The following CNBD1 variants were observed in gnomAD, a reference collection of about 807,000 sequenced individuals.
The protein encoded by CNBD1 is cyclic nucleotide binding domain containing 1.
Under a neutral mutation model 54.4 loss-of-function variants are expected in CNBD1, and 71 were observed. The observed-to-expected ratio is 1.30, with a 90% CI of 1.08 to 1.59. The LOEUF is 1.59. Ranked by LOEUF, CNBD1 falls within the 40% of genes most tolerant of loss-of-function variation. CNBD1 has a pLI of 0.00. For missense variants in CNBD1, 659 were observed against 518.0 expected, an observed-to-expected ratio of 1.27 and a Z score of -2.64; for synonymous variants, 182 against 170.7, an observed-to-expected ratio of 1.07 and a Z score of -0.51.
At chr8:86,976,895 A>T (rs932929431) in intron 4 of CNBD1, among the ~76,000 whole-genome samples, 1 of 152,026 alleles carries the variant, frequency 6.6e-6, no homozygotes, top group African/African-American at 2.4e-5. Context: ...CTAATTTACT[A>T]AGTTTGCTTA....
chr8:86,889,509 G>A (rs943191096), intron 2 of CNBD1, among the ~76,000 whole-genome samples: 7 of 152,056 alleles, frequency 4.6e-5, no homozygotes, highest in African/African-American at 1.7e-4. Flanking sequence ...AAAATAGAAA[G>A]GCTGAGAATT....
intron 8 of CNBD1, among the ~76,000 whole-genome samples, chr8:87,321,145 C>CTA (rs1809518993): frequency 1.7e-5 from 1 of 59,580 alleles, no homozygotes; most frequent in South Asian, 3.5e-4. Flanking sequence ...TACAACAGGA[C>CTA]ATAGTAGTTT....
At chr8:87,405,449 C>T (rs113542079) in intron 2 of CNBD1, among the ~76,000 whole-genome samples, 3,016 of 152,058 alleles carry the variant, frequency 0.02, 103 homozygotes, top group African/African-American at 0.065. Context: ...AACACTACTA[C>T]GAGATTATGT....
chr8:87,118,978 A>G (rs151132586), intron 4 of CNBD1, among the ~76,000 whole-genome samples: 184 of 152,326 alleles, frequency 1.2e-3, no homozygotes, highest in African/African-American at 4.2e-3. Flanking sequence ...AACTCACACA[A>G]TTATCCATAA....
At chr8:86,919,448 C>A (rs967407642) in intron 3 of CNBD1, among the ~76,000 whole-genome samples, 1 of 152,078 alleles carries the variant, frequency 6.6e-6, no homozygotes, top group African/African-American at 2.4e-5. Flanking sequence ...AAGGTATCTG[C>A]CTTATTTGCA....
intron 8 of CNBD1, among the ~76,000 whole-genome samples, chr8:87,310,561 A>G (rs890334051): frequency 7.9e-5 from 12 of 152,104 alleles, no homozygotes; most frequent in Admixed American, 7.2e-4. Flanking sequence ...TATTGCCCAA[A>G]ACAATCTACA....
At chr8:87,266,922 G>T (rs1160414761) in intron 6 of CNBD1, among the ~76,000 whole-genome samples, 1 of 152,114 alleles carries the variant, frequency 6.6e-6, no homozygotes. Context: ...TGAAAGGAAA[G>T]ACTTCGAATA....
intron 10 of CNBD1, among the ~76,000 whole-genome samples, chr8:87,382,093 G>A (rs956636070): frequency 4.6e-5 from 7 of 151,442 alleles, no homozygotes; most frequent in Admixed American, 6.6e-5. Context: ...CTATAAAAAT[G>A]TTATTAAATA....
chr8:87,098,442 A>G (rs1302164857), intron 4 of CNBD1, among the ~76,000 whole-genome samples: 1 of 152,198 alleles, frequency 6.6e-6, no homozygotes, highest in Admixed American at 6.5e-5. Context: ...TATGATGTGT[A>G]GTATGAGGTG....
At chr8:87,346,396 A>G (rs1810176750) in intron 8 of CNBD1, among the ~76,000 whole-genome samples, 1 of 151,912 alleles carries the variant, frequency 6.6e-6, no homozygotes, top group South Asian at 2.1e-4. Context: ...TATGTGTTTA[A>G]TATTAATTTA....
At chr8:87,075,157 A>AT (rs750946411) in intron 4 of CNBD1, among the ~76,000 whole-genome samples, 1 of 152,132 alleles carries the variant, frequency 6.6e-6, no homozygotes, top group African/African-American at 2.4e-5. Context: ...ATTTAAAAAT[A>AT]TTTTTTCTAT....
rs138429152 is a variant in CNBD1, at chr8:87,346,889, A to G, written c.1043-4796A>G. On this transcript the variant is annotated intron_variant, in intron 8 of 10. Coordinates refer to ENST00000518476, the MANE Select transcript of CNBD1 (RefSeq NM_173538.3). ...AGGATTTTATTGCCTCACAGGTGGT[A>G]TGGACTCTAGCCCCAATATCATGAG... Among the ~76,000 whole-genome samples, 24 of 152,320 alleles carry G rather than the reference A, an allele frequency of 1.6e-4. No individual in the cohort carries two copies. In the East Asian group the frequency reaches 4.2e-3, roughly 27 times the overall value.
chr8:86,873,896 T>A (rs1808477907), intron 1 of CNBD1, among the ~76,000 whole-genome samples: 1 of 152,178 alleles, frequency 6.6e-6, no homozygotes, highest in Non-Finnish European at 1.5e-5. Context: ...GTCATCCCCA[T>A]ATTTCAGTGT....
intron 4 of CNBD1, among the ~76,000 whole-genome samples, chr8:87,071,808 T>C (rs761044657): frequency 6.6e-6 from 1 of 152,160 alleles, no homozygotes; most frequent in Non-Finnish European, 1.5e-5. Context: ...TGGAGAGTTA[T>C]GTAGATATCT....
intron 4 of CNBD1, among the ~76,000 whole-genome samples, chr8:87,135,404 T>G (rs1367980806): frequency 6.6e-6 from 1 of 151,722 alleles, no homozygotes; most frequent in Non-Finnish European, 1.5e-5. Flanking sequence ...TTTTCCTTGC[T>G]TTAACAAATT....
chr8:87,381,868 A>G (rs995134065), intron 10 of CNBD1, among the ~76,000 whole-genome samples: 2 of 151,852 alleles, frequency 1.3e-5, no homozygotes, highest in Non-Finnish European at 2.9e-5. Context: ...GAACCTACTA[A>G]TCCATGGGCA....
chr8:87,039,959 C>T (rs1174889548), intron 4 of CNBD1, among the ~76,000 whole-genome samples: 1 of 152,144 alleles, frequency 6.6e-6, no homozygotes, highest in African/African-American at 2.4e-5. Flanking sequence ...CCAGATGAGT[C>T]AGTTTACTGA....
intron 4 of CNBD1, among the ~76,000 whole-genome samples, chr8:87,099,045 A>AAC (rs1035143683): frequency 6.6e-6 from 1 of 150,490 alleles, no homozygotes; most frequent in Non-Finnish European, 1.5e-5. Flanking sequence ...AAAAAAAAAA[A>AAC]AAAAAAAAAA....
intron 2 of CNBD1, among the ~76,000 whole-genome samples, chr8:86,890,077 T>C (rs951896196): frequency 2.6e-5 from 4 of 152,146 alleles, no homozygotes; most frequent in African/African-American, 9.7e-5. Context: ...AATATATCCA[T>C]CACTTCTCTT....
Sources: allele counts gnomAD v4.1 joint callset (sites outside exome capture counted in the v4.1 genomes callset), GRCh38; gene constraint gnomAD v4.1.1; transcripts MANE v1.5; gene names NCBI Gene and HGNC (gene_info 2026-07-23, HGNC 2026-07-21).